The following MYBL2 variants were observed in gnomAD, a reference collection of about 807,000 sequenced individuals.
MYBL2 encodes the protein myb-related protein B.
MYBL2 carries 28 observed loss-of-function variants against 79.9 expected under a neutral mutation model. The observed-to-expected ratio is 0.35, with a 90% CI of 0.26 to 0.48. MYBL2 has a LOEUF of 0.48. Ranked by LOEUF, MYBL2 falls within the 20% of genes least tolerant of loss-of-function variation. MYBL2 has a pLI of 0.99. For missense variants in MYBL2, 735 were observed against 893.9 expected (o/e 0.82, Z 2.27); for synonymous variants, 378 against 361.2 (o/e 1.05, Z -0.53).
chr20:43,711,367 G>A (rs547593414), intron 10 of MYBL2, 121 bp from the exon 11 acceptor site: 23 of 666,858 alleles, frequency 3.4e-5, no homozygotes, highest in South Asian at 1.1e-4. Flanking sequence ...GCATCCTGGC[G>A]TCAGGCCTCC....
intron 1 of MYBL2, among the ~76,000 whole-genome samples, chr20:43,669,914 C>T (rs1986818700): frequency 6.6e-6 from 1 of 152,146 alleles, no homozygotes; most frequent in African/African-American, 2.4e-5. Flanking sequence ...CCAGCTTGAC[C>T]AATATGGTGA....
At chr20:43,711,060 G>A (rs907660631) in intron 10 of MYBL2, among the ~76,000 whole-genome samples, 1 of 152,184 alleles carries the variant, frequency 6.6e-6, no homozygotes, top group Admixed American at 6.5e-5. Flanking sequence ...GAACCCCGAG[G>A]CCTGAGAAAG....
chr20:43,673,873 T>C lies in MYBL2; in HGVS notation c.88T>C (p.Cys30Arg), dbSNP rs1986930931. 2.6e-6 allele frequency: 4 copies of C among 1,553,574 alleles called. No individual in the cohort carries two copies. The highest frequency in any genetic ancestry group is 3.5e-6 in the Non-Finnish European group (4 of 1,147,948). Residue 30 changes from cysteine to arginine, a missense_variant, in exon 2 of 14, where the codon TGC (cysteine) becomes CGC (arginine). Physicochemically the swap from Cys to Arg is radical, Grantham distance 180. Transcript: ENST00000217026. The stretch of plus-strand genomic sequence containing the variant: ...TGTGCCGGAGCAGAGGGATAGCAAG[T>C]GCAAGGTCAAATGGACCCATGAGGA... The part of the protein sequence containing the change: ...SDVPEQRDSK[C>R]KVKWTHEEDE...
chr20:43,712,857 C>T, intron 11 of MYBL2, 145 bp from the exon 12 acceptor site: 1 of 648,186 alleles, frequency 1.5e-6, no homozygotes, highest in East Asian at 2.7e-5. Flanking sequence ...CTTCTGACAG[C>T]AGATTCCCAC....
intron 13 of MYBL2, 49 bp from the exon 14 acceptor site, chr20:43,715,909 TG>T: frequency 6.4e-7 from 1 of 1,569,606 alleles, no homozygotes. Flanking sequence ...CAGGGTCTGT[TG>T]GGAACACATA....
chr20:43,707,214 A>C (rs922066008), intron 9 of MYBL2, among the ~76,000 whole-genome samples: 34 of 151,592 alleles, frequency 2.2e-4, no homozygotes, highest in African/African-American at 8.0e-4. Context: ...AAGAGAAAAA[A>C]GAAATCAGTC....
At chr20:43,684,534 CTT>C (rs752809652) in intron 4 of MYBL2, among the ~76,000 whole-genome samples, 44 of 136,098 alleles carry the variant, frequency 3.2e-4, no homozygotes, top group East Asian at 4.2e-4. Flanking sequence ...TGTGCCCGGC[CTT>C]TTTTTTTTTT....
At chr20:43,693,838 C>G (rs951371095) in intron 6 of MYBL2, among the ~76,000 whole-genome samples, 4 of 151,934 alleles carry the variant, frequency 2.6e-5, no homozygotes, top group African/African-American at 9.7e-5. Flanking sequence ...ATCTCTTGAG[C>G]CCAGGAGTTT....
intron 5 of MYBL2, among the ~76,000 whole-genome samples, chr20:43,687,889 C>T (rs1176443198): frequency 2.0e-5 from 3 of 151,624 alleles, no homozygotes; most frequent in African/African-American, 7.3e-5. Flanking sequence ...TGTTGGTGAG[C>T]CTGTAATCCC....
intron 9 of MYBL2, among the ~76,000 whole-genome samples, chr20:43,707,700 A>G (rs1987821772): frequency 6.6e-6 from 1 of 152,074 alleles, no homozygotes; most frequent in African/African-American, 2.4e-5. Flanking sequence ...ATTCCTTTGT[A>G]GAGAGTCTCT....
intron 4 of MYBL2, among the ~76,000 whole-genome samples, chr20:43,683,160 A>G (rs1402452186): frequency 2.0e-5 from 3 of 152,212 alleles, no homozygotes; most frequent in Admixed American, 2.0e-4. Context: ...GAGCAGTAGC[A>G]GTGCAGCGTT....
intron 11 of MYBL2, 129 bp downstream of exon 11, chr20:43,711,730 C>G: frequency 2.6e-6 from 2 of 761,326 alleles, no homozygotes; most frequent in Non-Finnish European, 4.3e-6. Context: ...TCCCCTTTGC[C>G]CCCTTTCGCA....
At chr20:43,713,388 T>C (rs1987955983) in intron 12 of MYBL2, among the ~76,000 whole-genome samples, 1 of 150,922 alleles carries the variant, frequency 6.6e-6, no homozygotes, top group African/African-American at 2.5e-5. Flanking sequence ...TGTCTTTTTT[T>C]TTCTTTTTTT....
intron 1 of MYBL2, among the ~76,000 whole-genome samples, chr20:43,672,369 T>A (rs1396780216): frequency 2.9e-5 from 1 of 34,624 alleles, no homozygotes; most frequent in Non-Finnish European, 7.2e-5. Context: ...GGCAGGAGGA[T>A]CCCTTGAGCC....
chr20:43,711,620 G>A lies in MYBL2; in HGVS notation c.1719+19G>A, dbSNP rs368874683. Reference sequence around the variant, plus strand: ...GCCTGGGGTGAGTAGGGTAGGGGTGGGAGAGCCTGGGCAGGGGGAATTGGA... The same window carrying A: ...GCCTGGGGTGAGTAGGGTAGGGGTGAGAGAGCCTGGGCAGGGGGAATTGGA... On this transcript the variant is annotated intron_variant, in intron 11 of 13. Coordinates refer to ENST00000217026, the MANE Select transcript of MYBL2 (RefSeq NM_002466.4). 2.1e-4 allele frequency: 332 copies of A among 1,598,494 alleles called. No homozygotes were observed. Among genetic ancestry groups the A allele is most frequent in the Non-Finnish European group, 2.8e-4 (324 of 1,171,766 alleles).
At chr20:43,715,919 T>C (rs202219238) in intron 13 of MYBL2, 40 bp from the exon 14 acceptor site, 164 of 1,584,014 alleles carry the variant, frequency 1.0e-4, no homozygotes, top group Non-Finnish European at 1.3e-4. Context: ...TGGGAACACA[T>C]AGTCCCTGCC....
At chr20:43,698,158 AGTTTGG>A (rs1987593262) in intron 6 of MYBL2, among the ~76,000 whole-genome samples, 1 of 142,158 alleles carries the variant, frequency 7.0e-6, no homozygotes, top group Non-Finnish European at 1.5e-5. Context: ...ATTTTTTCCC[AGTTTGG>A]TAGCTTTTTT....
intron 2 of MYBL2, 76 bp from the exon 3 acceptor site, chr20:43,681,708 T>C (rs1388624569): frequency 4.9e-6 from 7 of 1,442,914 alleles, no homozygotes; most frequent in Middle Eastern, 1.7e-4. Context: ...TTCTTTTAGA[T>C]TGGGCTCTGT....
At chr20:43,715,745 TG>T (rs1988017491) in intron 13 of MYBL2, among the ~76,000 whole-genome samples, 1 of 152,146 alleles carries the variant, frequency 6.6e-6, no homozygotes, top group Non-Finnish European at 1.5e-5. Flanking sequence ...TGCATGGCCA[TG>T]TCTCCTTGTC....
Sources: gnomAD v4.1 joint callset for allele counts (sites outside exome capture counted in the v4.1 genomes callset) on GRCh38, gnomAD v4.1.1 for gene constraint, MANE v1.5 for transcripts, NCBI Gene and HGNC (gene_info 2026-07-23, HGNC 2026-07-21) for gene names.